Variants in CPA6 observed in about 807,000 individuals in gnomAD.
CPA6 encodes the protein carboxypeptidase B.
Under a neutral mutation model 63.3 loss-of-function variants are expected in CPA6, and 58 were observed. The observed-to-expected ratio is 0.92, with a 90% CI of 0.74 to 1.14. The LOEUF is 1.14. Ranked by LOEUF, CPA6 falls within the 50% of genes most tolerant of loss-of-function variation. The pLI is 0.00. For missense variants in CPA6, 565 were observed against 526.6 expected (o/e 1.07, Z -0.71); for synonymous variants, 185 against 179.0 (o/e 1.03, Z -0.27).
intron 1 of CPA6, among the ~76,000 whole-genome samples, chr8:67,690,121 T>C (rs1816786550): frequency 6.6e-6 from 1 of 152,196 alleles, no homozygotes; most frequent in Non-Finnish European, 1.5e-5. Flanking sequence ...TTAATAGGGT[T>C]ATTTGTTTTT....
chr8:67,660,322 GTTTT>G (rs869189030), intron 1 of CPA6, among the ~76,000 whole-genome samples: 5 of 73,906 alleles, frequency 6.8e-5, no homozygotes, highest in African/African-American at 3.2e-4. Flanking sequence ...ATTATTGCAG[GTTTT>G]TTTTTTTTTT....
intron 2 of CPA6, among the ~76,000 whole-genome samples, chr8:67,538,770 C>T (rs956861951): frequency 3.3e-5 from 5 of 152,048 alleles, no homozygotes; most frequent in Non-Finnish European, 7.4e-5. Context: ...TGCCATTCTC[C>T]TGCCTCAGCC....
chr8:67,455,972 C>T (rs1375971072), intron 8 of CPA6, among the ~76,000 whole-genome samples: 2 of 152,132 alleles, frequency 1.3e-5, no homozygotes, highest in African/African-American at 4.8e-5. Flanking sequence ...GCCTCAGCTT[C>T]CCAAAGTGCT....
intron 2 of CPA6, among the ~76,000 whole-genome samples, chr8:67,613,208 AAC>A (rs1250137018): frequency 1.3e-5 from 2 of 152,216 alleles, no homozygotes; most frequent in African/African-American, 4.8e-5. Context: ...ATCATTTTAC[AAC>A]AGTTTTTATT....
intron 1 of CPA6, among the ~76,000 whole-genome samples, chr8:67,673,532 C>T (rs368497519): frequency 2.7e-5 from 4 of 149,872 alleles, no homozygotes; most frequent in African/African-American, 7.4e-5. Context: ...TACAGGTGCC[C>T]GCCACCACTC....
chr8:67,611,122 G>A (rs117283312), intron 2 of CPA6, among the ~76,000 whole-genome samples: 1,884 of 149,256 alleles, frequency 0.013, 19 homozygotes, highest in Middle Eastern at 0.048. Flanking sequence ...TTGCTCTGTC[G>A]CCTGGGTTAG....
chr8:67,492,186 C>T (rs1170981726), intron 6 of CPA6, among the ~76,000 whole-genome samples: 1 of 152,164 alleles, frequency 6.6e-6, no homozygotes, highest in Non-Finnish European at 1.5e-5. Context: ...TCTAAATATG[C>T]AGCCACAGGA....
Position 67,687,665 on chromosome 8 carries a change from A to G in CPA6, c.116+58349T>C, listed in dbSNP as rs145320737. On this transcript the variant is annotated intron_variant, in intron 1 of 10. Transcript: ENST00000297770. ...GCTGCAATAGATGCTCATTATCATC[A>G]CGGTGGGTTTCGGGGTCAGCGATTC... 3.0e-4 allele frequency among the ~76,000 whole-genome samples: 46 copies of G among 152,254 alleles called. 1 individual carries two copies. The highest frequency in any genetic ancestry group is 1.1e-3 in the African/African-American group (45 of 41,560).
intron 8 of CPA6, among the ~76,000 whole-genome samples, chr8:67,481,399 C>G (rs1811357318): frequency 6.6e-6 from 1 of 152,188 alleles, no homozygotes; most frequent in Admixed American, 6.5e-5. Context: ...GACTTTCAGA[C>G]CAGTGATATT....
At chr8:67,497,473 T>C (rs911851649) in intron 6 of CPA6, among the ~76,000 whole-genome samples, 1 of 152,312 alleles carries the variant, frequency 6.6e-6, no homozygotes, top group East Asian at 1.9e-4. Flanking sequence ...TGTATGGTTA[T>C]ACCAATAAAA....
At chr8:67,608,848 C>T (rs763130210) in intron 2 of CPA6, among the ~76,000 whole-genome samples, 9 of 152,212 alleles carry the variant, frequency 5.9e-5, no homozygotes, top group Non-Finnish European at 1.2e-4. Context: ...AGGCAATTCT[C>T]CCATCTCAGT....
chr8:67,683,286 T>A (rs915944275), intron 1 of CPA6, among the ~76,000 whole-genome samples: 4 of 152,252 alleles, frequency 2.6e-5, no homozygotes, highest in African/African-American at 9.6e-5. Context: ...GAAGTTGCCA[T>A]AACTGTTTAA....
At chr8:67,501,720 A>T (rs954529978) in intron 6 of CPA6, among the ~76,000 whole-genome samples, 2 of 152,084 alleles carry the variant, frequency 1.3e-5, no homozygotes, top group African/African-American at 4.8e-5. Flanking sequence ...TTTCTTTTTC[A>T]TGTGCTGCCT....
At chr8:67,706,212 C>T (rs1489589573) in intron 1 of CPA6, among the ~76,000 whole-genome samples, 1 of 152,198 alleles carries the variant, frequency 6.6e-6, no homozygotes, top group Admixed American at 6.5e-5. Flanking sequence ...AACTTGCCTG[C>T]TTTAAAGCCA....
chr8:67,553,915 A>C (rs1337871346), intron 2 of CPA6, among the ~76,000 whole-genome samples: 1 of 152,228 alleles, frequency 6.6e-6, no homozygotes, highest in Non-Finnish European at 1.5e-5. Flanking sequence ...GGTGATTTTC[A>C]AACCTGAATT....
At chr8:67,678,379 T>C (rs1816524217) in intron 1 of CPA6, among the ~76,000 whole-genome samples, 1 of 152,120 alleles carries the variant, frequency 6.6e-6, no homozygotes, top group Admixed American at 6.6e-5. Flanking sequence ...ATATAACATA[T>C]ATCCAACGAG....
At chr8:67,494,105 C>G (rs1343509431) in intron 6 of CPA6, among the ~76,000 whole-genome samples, 1 of 151,876 alleles carries the variant, frequency 6.6e-6, no homozygotes, top group Admixed American at 6.6e-5. Flanking sequence ...TAAAAATTAC[C>G]CATGATCCTA....
chr8:67,558,302 C>T (rs757346118), intron 2 of CPA6, among the ~76,000 whole-genome samples: 5 of 152,074 alleles, frequency 3.3e-5, no homozygotes, highest in East Asian at 1.9e-4. Context: ...CTATATAATC[C>T]GTTTATTTCT....
chr8:67,665,538 C>T (rs1816207797), intron 1 of CPA6, among the ~76,000 whole-genome samples: 1 of 152,118 alleles, frequency 6.6e-6, no homozygotes, highest in African/African-American at 2.4e-5. Context: ...AGTAGAAAAC[C>T]TCTTCAAGTT....
Sources: gnomAD v4.1 joint callset for allele counts (sites outside exome capture counted in the v4.1 genomes callset) on GRCh38, gnomAD v4.1.1 for gene constraint, MANE v1.5 for transcripts, NCBI Gene and HGNC (gene_info 2026-07-23, HGNC 2026-07-21) for gene names.